PPP1R13B: variants seen among roughly 807,000 people sequenced by gnomAD.
The protein encoded by PPP1R13B is apoptosis-stimulating of p53 protein 1.
PPP1R13B carries 44 observed loss-of-function variants against 119.8 expected under a neutral mutation model. That is an observed-to-expected ratio of 0.37 (90% CI 0.29 to 0.47). The LOEUF (loss-of-function observed/expected upper bound fraction) is 0.47, where lower values mean the gene tolerates loss of function less well. Ranked by LOEUF, PPP1R13B falls within the 20% of genes least tolerant of loss-of-function variation. The probability of loss-of-function intolerance (pLI) is 0.99; values close to 1 mark genes in which losing one functional copy is unlikely to be tolerated. For synonymous variants in PPP1R13B, 542 were observed against 561.5 expected (o/e 0.97, Z 0.49); for missense variants, 1,227 against 1,413.5 (o/e 0.87, Z 2.12).
chr14:103,827,904 TCTAA>T, intron 1 of PPP1R13B, among the ~76,000 whole-genome samples: 1 of 152,074 alleles, frequency 6.6e-6, no homozygotes, highest in South Asian at 2.1e-4. Context: ...AGCCTTAGTA[TCTAA>T]CTACCAGCAA....
chr14:103,848,628 C>T (rs936100668), upstream of PPP1R13B: 45 of 446,272 alleles, frequency 1.0e-4, no homozygotes, highest in Non-Finnish European at 1.3e-4. Flanking sequence ...CTGGGAAGCG[C>T]CGGCCCAGTG....
intron 1 of PPP1R13B, among the ~76,000 whole-genome samples, chr14:103,833,607 C>T (rs541135043): frequency 2.4e-4 from 36 of 152,230 alleles, no homozygotes; most frequent in African/African-American, 8.4e-4. Flanking sequence ...CGCACTACTG[C>T]ACTCCAGCCT....
intron 7 of PPP1R13B, among the ~76,000 whole-genome samples, chr14:103,750,558 C>T (rs1385557895): frequency 6.6e-6 from 1 of 152,170 alleles, no homozygotes; most frequent in African/African-American, 2.4e-5. Context: ...AGGCCGGGTG[C>T]GGTGGCTCAC....
At chr14:103,802,761 A>G (rs11623546) in intron 1 of PPP1R13B, among the ~76,000 whole-genome samples, 67,694 of 151,926 alleles carry the variant, frequency 0.45, 15,581 homozygotes, top group African/African-American at 0.56. Context: ...TAAGTTCAAT[A>G]TGATGAGGGA....
At chr14:103,782,535 T>C (rs983488929) in intron 3 of PPP1R13B, among the ~76,000 whole-genome samples, 1 of 152,216 alleles carries the variant, frequency 6.6e-6, no homozygotes, top group Admixed American at 6.5e-5. Flanking sequence ...TTTGTAAGTT[T>C]AACAGCCATT....
At chr14:103,829,117 G>T (rs911502734) in intron 1 of PPP1R13B, among the ~76,000 whole-genome samples, 1 of 152,178 alleles carries the variant, frequency 6.6e-6, no homozygotes, top group Non-Finnish European at 1.5e-5. Flanking sequence ...GAGAGAAAGA[G>T]TGGCTTAATT....
intron 1 of PPP1R13B, chr14:103,804,204 G>C (rs778964661): frequency 4.2e-6 from 1 of 238,342 alleles, no homozygotes; most frequent in African/African-American, 2.3e-5. Flanking sequence ...TGCAGGATGA[G>C]GCAGGCAGAA....
chr14:103,746,232 G>A (rs183274886), intron 9 of PPP1R13B, 141 bp downstream of exon 9: 8 of 828,786 alleles, frequency 9.7e-6, no homozygotes, highest in African/African-American at 5.2e-5. Context: ...CTCTCCAAGC[G>A]CCTCACGGGG....
chr14:103,778,870 G>T, intron 3 of PPP1R13B, 49 bp from the exon 4 acceptor site: 1 of 1,366,038 alleles, frequency 7.3e-7, no homozygotes, highest in Non-Finnish European at 1.0e-6. Flanking sequence ...TTAGAAAAAA[G>T]TAATATTCTC....
At chr14:103,752,532 TC>T (rs1412645688) in intron 7 of PPP1R13B, among the ~76,000 whole-genome samples, 1 of 129,282 alleles carries the variant, frequency 7.7e-6, no homozygotes, top group African/African-American at 3.1e-5. Flanking sequence ...GTGAATTAGA[TC>T]CTTTTTTTTT....
chr14:103,848,688 G>A (rs1379424348), upstream of PPP1R13B, among the ~76,000 whole-genome samples: 1 of 152,226 alleles, frequency 6.6e-6, no homozygotes. Context: ...TCTGGTTCTC[G>A]GAGAGGCTTC....
chr14:103,741,852 G>A lies in PPP1R13B; in HGVS notation c.1760C>T (p.Ala587Val), dbSNP rs1420382583. The stretch of plus-strand genomic sequence containing the variant: ...CGGCTGGTAATTCTTAGGTGGTGTG[G>A]CTTGCTGGAGGTACATGGAGTATAT... ...SSIYSMYLQQ[A>V]TPPKNYQPAA... is the part of the protein sequence containing the mutation. Residue 587 changes from alanine to valine, a missense_variant, in exon 11 of 17, where the codon GCC (alanine) becomes GTC (valine). Transcript: ENST00000202556. 6.2e-7 allele frequency: 1 copy of A among 1,614,098 alleles called. No homozygotes were observed. The highest frequency in any genetic ancestry group is 8.5e-7 in the Non-Finnish European group (1 of 1,180,044).
chr14:103,829,935 T>C (rs1224875383), intron 1 of PPP1R13B, among the ~76,000 whole-genome samples: 3 of 151,940 alleles, frequency 2.0e-5, no homozygotes, highest in Non-Finnish European at 4.4e-5. Flanking sequence ...CACGCCACCA[T>C]GCCCAGCTAA....
At chr14:103,830,286 A>G (rs1300887588) in intron 1 of PPP1R13B, among the ~76,000 whole-genome samples, 2 of 151,182 alleles carry the variant, frequency 1.3e-5, no homozygotes, top group Non-Finnish European at 1.5e-5. Context: ...AGTACAGATG[A>G]GGTTTCACCA....
At chr14:103,798,398 C>T (rs373810179) in intron 1 of PPP1R13B, among the ~76,000 whole-genome samples, 2 of 152,002 alleles carry the variant, frequency 1.3e-5, no homozygotes, top group Non-Finnish European at 2.9e-5. Context: ...GTGATCCACC[C>T]GTCTCGGCCT....
At chr14:103,830,427 T>G (rs538367748) in intron 1 of PPP1R13B, among the ~76,000 whole-genome samples, 4 of 152,252 alleles carry the variant, frequency 2.6e-5, no homozygotes, top group African/African-American at 9.6e-5. Context: ...AACAACTCAT[T>G]TAAAACTCGT....
intron 3 of PPP1R13B, among the ~76,000 whole-genome samples, chr14:103,780,625 C>T (rs1171014433): frequency 3.3e-5 from 5 of 150,890 alleles, no homozygotes; most frequent in Admixed American, 6.6e-5. Flanking sequence ...CCATCCTGGC[C>T]AACATGGTGA....
chr14:103,734,401 AG>A lies in PPP1R13B; in HGVS notation c.*752del. 2.5e-6 allele frequency: 1 copy of A among 400,182 alleles called. No individual in the cohort carries two copies. The highest frequency in any genetic ancestry group is 5.1e-6 in the Non-Finnish European group (1 of 196,754). The allele number at this position is 400,182 out of a possible 1,614,324, so 24.8% of individuals were successfully genotyped here. On this transcript the variant is annotated 3_prime_UTR_variant, in exon 17 of 17. Transcript: ENST00000202556. ...TTCAGGGAACTGAATTTGAGCTTGC[AG>A]GGGTGAGAACCACACTGAGCAGCAT...
rs1197856676 is a variant in PPP1R13B, at chr14:103,740,353, T to A, written c.2063A>T (p.Asp688Val). The change falls in exon 12 of 17, where the codon GAT becomes GTT. Residue 688 changes from aspartate to valine, a missense_variant. Physicochemically the swap from Asp to Val is radical, Grantham distance 152. Transcript: ENST00000202556. The surrounding 1 kb of genome is among the most constrained non-coding windows in gnomAD (Gnocchi z 4.6). Reference sequence around the variant, plus strand: ...CCTGCGGAGGGCCTCCAGGTCTGCATCACTCTGGTAGCGCAGTGGCGAATG... The same window carrying A: ...CCTGCGGAGGGCCTCCAGGTCTGCAACACTCTGGTAGCGCAGTGGCGAATG... ...IVHSPLRYQS[D>V]ADLEALRRKL... 1 of 1,565,892 alleles carries A rather than the reference T, an allele frequency of 6.4e-7. No homozygotes were observed. The highest frequency in any genetic ancestry group is 1.8e-5 in the Admixed American group (1 of 54,614).
Sources: gnomAD v4.1 joint callset for allele counts (sites outside exome capture counted in the v4.1 genomes callset) on GRCh38, gnomAD v4.1.1 for gene constraint, Gnocchi (gnomAD v3.1) non-coding constraint, MANE v1.5 for transcripts, NCBI Gene and HGNC (gene_info 2026-07-23, HGNC 2026-07-21) for gene names.